Variants in LYPD6 observed in about 807,000 individuals in gnomAD.
The protein encoded by LYPD6 is LY6/PLAUR domain containing 6, also known as ly6/PLAUR domain-containing protein 6.
In LYPD6, 15 loss-of-function variants were observed where a neutral mutation model predicts 22.7. The ratio of observed to expected loss-of-function variants is 0.66; its 90% CI spans 0.44 to 1.02. The LOEUF (loss-of-function observed/expected upper bound fraction) is 1.02, where lower values mean the gene tolerates loss of function less well. Among genes scored for constraint, LYPD6 ranks in the 50% least tolerant of loss-of-function variants. The pLI is 0.00. For synonymous variants in LYPD6, 72 were observed against 77.5 expected (o/e 0.93, Z 0.37); for missense variants, 189 against 208.4 (o/e 0.91, Z 0.57).
intron 1 of LYPD6, among the ~76,000 whole-genome samples, chr2:149,335,030 T>A (rs898896268): frequency 2.0e-5 from 3 of 152,198 alleles, no homozygotes; most frequent in Admixed American, 6.5e-5. Flanking sequence ...CACGTACAAT[T>A]ATGTACAGTA....
At chr2:149,457,691 G>A (rs575049825) in intron 3 of LYPD6, among the ~76,000 whole-genome samples, 24 of 152,198 alleles carry the variant, frequency 1.6e-4, no homozygotes, top group African/African-American at 5.5e-4. Context: ...AGCCCAAAAT[G>A]TCAGAAGCTG....
intron 1 of LYPD6, among the ~76,000 whole-genome samples, chr2:149,364,564 A>G (rs948655505): frequency 7.5e-5 from 10 of 133,606 alleles, no homozygotes; most frequent in Admixed American, 2.3e-4. Context: ...TTTTTTTTGC[A>G]TGTTCAAAGT....
intron 1 of LYPD6, among the ~76,000 whole-genome samples, chr2:149,355,659 T>C (rs1681435615): frequency 6.6e-6 from 1 of 152,202 alleles, no homozygotes; most frequent in Non-Finnish European, 1.5e-5. Flanking sequence ...GGGACTTGTG[T>C]ATACTCAGAT....
At chr2:149,358,912 G>C (rs1681517691) in intron 1 of LYPD6, among the ~76,000 whole-genome samples, 1 of 152,136 alleles carries the variant, frequency 6.6e-6, no homozygotes, top group South Asian at 2.1e-4. Context: ...GCTATGGGCA[G>C]TGGAAACCAC....
chr2:149,373,570 A>G (rs1344639834), intron 1 of LYPD6, among the ~76,000 whole-genome samples: 1 of 152,076 alleles, frequency 6.6e-6, no homozygotes, highest in Non-Finnish European at 1.5e-5. Flanking sequence ...GTCCAAGGGA[A>G]GAATATTACA....
At chr2:149,338,827 T>C (rs55843347) in intron 1 of LYPD6, among the ~76,000 whole-genome samples, 2,157 of 152,302 alleles carry the variant, frequency 0.014, 45 homozygotes, top group Middle Eastern at 0.051. Flanking sequence ...TAAGGCACTG[T>C]AGTCAGATTA....
intron 1 of LYPD6, among the ~76,000 whole-genome samples, chr2:149,334,505 C>T (rs1468679539): frequency 1.3e-5 from 2 of 152,156 alleles, no homozygotes; most frequent in Non-Finnish European, 2.9e-5. Context: ...GAGGATATTC[C>T]AGACCTAATC....
chr2:149,417,045 C>T (rs886530138), intron 1 of LYPD6, among the ~76,000 whole-genome samples: 1 of 152,148 alleles, frequency 6.6e-6, no homozygotes, highest in Admixed American at 6.5e-5. Flanking sequence ...CTGGCTGGGG[C>T]TCTGCTGGGT....
At chr2:149,459,731 A>G (rs1353580063) in intron 3 of LYPD6, among the ~76,000 whole-genome samples, 2 of 152,000 alleles carry the variant, frequency 1.3e-5, no homozygotes, top group African/African-American at 4.8e-5. Flanking sequence ...ATGAAACCCC[A>G]TCTCTACTAA....
At chr2:149,402,480 C>G (rs1682582046) in intron 1 of LYPD6, among the ~76,000 whole-genome samples, 2 of 152,156 alleles carry the variant, frequency 1.3e-5, no homozygotes, top group Non-Finnish European at 2.9e-5. Flanking sequence ...TCCATAGTGG[C>G]TGCACTAGTT....
intron 3 of LYPD6, among the ~76,000 whole-genome samples, chr2:149,467,715 A>G (rs1681232409): frequency 6.6e-6 from 1 of 152,186 alleles, no homozygotes; most frequent in African/African-American, 2.4e-5. Context: ...GCTCGGTGAC[A>G]TTTCTTAAGA....
rs751255986 is a variant in LYPD6, at chr2:149,470,776, C to G, written c.442C>G (p.Gln148Glu). The G allele has an allele frequency of 5.0e-6, 8 of 1,613,804 alleles. No homozygotes were observed. In the East Asian group the frequency reaches 1.8e-4, roughly 36 times the overall value. ...ATTTGCCACGACGTCACCTATAAATCAGACAAATGGGCACCCACGCTGTAT... is the reference window on the plus strand; with the variant it reads ...ATTTGCCACGACGTCACCTATAAATGAGACAAATGGGCACCCACGCTGTAT... ...ATFATTSPIN[Q>E]TNGHPRCMSV... Residue 148 changes from glutamine to glutamate, a missense_variant, in exon 5 of 5, where the codon CAG becomes GAG. By Grantham distance (29) the Gln-to-Glu change is conservative (BLOSUM62 2). Transcript: ENST00000334166.
intron 2 of LYPD6, among the ~76,000 whole-genome samples, chr2:149,445,312 A>T (rs1236171984): frequency 2.0e-5 from 3 of 152,224 alleles, no homozygotes; most frequent in Non-Finnish European, 4.4e-5. Context: ...AGTCTCAAGG[A>T]TTTTAAGAAT....
At chr2:149,398,035 C>T (rs996122465) in intron 1 of LYPD6, among the ~76,000 whole-genome samples, 2 of 152,100 alleles carry the variant, frequency 1.3e-5, no homozygotes, top group Non-Finnish European at 2.9e-5. Flanking sequence ...AGAGGGAACA[C>T]GGTAAGATGA....
intron 1 of LYPD6, among the ~76,000 whole-genome samples, chr2:149,408,090 A>C (rs895938179): frequency 6.6e-6 from 1 of 152,066 alleles, no homozygotes; most frequent in African/African-American, 2.4e-5. Flanking sequence ...TCGTTCCTCT[A>C]GAAGTTTTGT....
intron 1 of LYPD6, among the ~76,000 whole-genome samples, chr2:149,340,245 T>TGTA (rs1681133153): frequency 6.6e-6 from 1 of 152,190 alleles, no homozygotes; most frequent in African/African-American, 2.4e-5. Flanking sequence ...TTTAGTGCCT[T>TGTA]GTAGTATAAC....
At chr2:149,422,144 T>TA (rs1483677422) in intron 1 of LYPD6, among the ~76,000 whole-genome samples, 2 of 152,174 alleles carry the variant, frequency 1.3e-5, no homozygotes, top group African/African-American at 4.8e-5. Flanking sequence ...GTGAGCTGAT[T>TA]TTAAGGACTA....
intron 2 of LYPD6, 74 bp from the exon 3 acceptor site, chr2:149,448,975 T>G: frequency 8.7e-7 from 1 of 1,153,344 alleles, no homozygotes; most frequent in Non-Finnish European, 1.2e-6. Context: ...TTTAAAATAA[T>G]GAAAATGTCT....
intron 1 of LYPD6, among the ~76,000 whole-genome samples, chr2:149,415,484 A>G (rs941573431): frequency 2.0e-5 from 3 of 152,150 alleles, no homozygotes; most frequent in African/African-American, 7.2e-5. Flanking sequence ...AAAGGACTGA[A>G]GCAGATGCTG....
Sources: gnomAD v4.1 joint callset for allele counts (sites outside exome capture counted in the v4.1 genomes callset) on GRCh38, gnomAD v4.1.1 for gene constraint, MANE v1.5 for transcripts, NCBI Gene and HGNC (gene_info 2026-07-23, HGNC 2026-07-21) for gene names.